Variants in ZNF536 observed in about 807,000 individuals in gnomAD.
ZNF536 encodes the protein zinc finger protein 536.
A neutral mutation model predicts 84.5 loss-of-function variants in ZNF536; 13 were observed. The observed-to-expected ratio is 0.15, with a 90% CI of 0.10 to 0.24. The LOEUF (loss-of-function observed/expected upper bound fraction) is 0.24. Ranked by LOEUF, ZNF536 falls within the 10% of genes least tolerant of loss-of-function variation. The pLI is 1.00. For synonymous variants in ZNF536, 811 were observed against 742.5 expected (o/e 1.09, Z -1.50); for missense variants, 1,536 against 1,747.5 (o/e 0.88, Z 2.16).
chr19:30,382,181 C>G (rs938417387), intron 1 of ZNF536, among the ~76,000 whole-genome samples: 1 of 152,218 alleles, frequency 6.6e-6, no homozygotes, highest in African/African-American at 2.4e-5. Flanking sequence ...TGTCCCATTT[C>G]CGTGTTATGG....
chr19:30,638,591 A>G (rs1183858881), intron 1 of ZNF536, among the ~76,000 whole-genome samples: 1 of 152,204 alleles, frequency 6.6e-6, no homozygotes, highest in South Asian at 2.1e-4. Flanking sequence ...ACCATTCAAG[A>G]GAAATCTTCC....
rs1285925219 is a variant in ZNF536 at position 30,435,568 on chromosome 19, GTGATGGTGATGATGGTGATGA to G, written c.-2-7972_-2-7952del. On this transcript the variant is annotated intron_variant, in intron 1 of 4. Coordinates refer to ENST00000355537, the MANE Select transcript of ZNF536 (RefSeq NM_014717.3). ...GATGGTGATAATGGTGGTAATGATG[GTGATGGTGATGATGGTGATGA>G]TGATGGTGATGATGGTGATGCTCTT... is the stretch of plus-strand genomic sequence containing the variant. Among the ~76,000 whole-genome samples the G allele has an allele frequency of 2.8e-4, 42 of 150,864 alleles. No individual in the cohort carries two copies. In the East Asian group the frequency reaches 7.4e-3, roughly 26 times the overall value.
At chr19:30,272,126 A>C (rs1219022439) in intron 1 of ZNF536, among the ~76,000 whole-genome samples, 1 of 152,198 alleles carries the variant, frequency 6.6e-6, no homozygotes, top group African/African-American at 2.4e-5. Context: ...CAGAAGTGGA[A>C]ATACTTCAGC....
rs141558223 is a variant in ZNF536 at position 30,424,794 on chromosome 19, C to T, written c.-2-18767C>T. 7.8e-4 allele frequency among the ~76,000 whole-genome samples: 119 copies of T among 152,190 alleles called. 1 individual carries two copies. The highest frequency in any genetic ancestry group is 2.8e-3 in the African/African-American group (117 of 41,526). On this transcript the variant is annotated intron_variant, in intron 1 of 4. Coordinates refer to ENST00000355537, the MANE Select transcript of ZNF536 (RefSeq NM_014717.3). ...AAGACCCATTAGTGGGATTTCAGAC[C>T]CCTGGGCAAATGGCTAGGAGGCAGC...
intron 1 of ZNF536, among the ~76,000 whole-genome samples, chr19:30,589,711 T>A (rs1429468643): frequency 2.6e-5 from 4 of 151,974 alleles, no homozygotes; most frequent in Admixed American, 2.6e-4. Context: ...GGGCTTAGAG[T>A]CCACCCAGTG....
At chr19:30,295,821 T>C (rs575263423) in intron 2 of ZNF536, among the ~76,000 whole-genome samples, 2 of 152,362 alleles carry the variant, frequency 1.3e-5, no homozygotes, top group African/African-American at 4.8e-5. Context: ...CATTCTTTAA[T>C]TGAGGGGCAA....
At chr19:30,422,937 C>T in intron 1 of ZNF536, among the ~76,000 whole-genome samples, 1 of 129,412 alleles carries the variant, frequency 7.7e-6, no homozygotes, top group Non-Finnish European at 1.6e-5. Flanking sequence ...ATCTACACAT[C>T]CATCCATCCA....
intron 2 of ZNF536, among the ~76,000 whole-genome samples, chr19:30,304,167 C>CTA (rs959305188): frequency 1.7e-4 from 26 of 152,322 alleles, no homozygotes; most frequent in African/African-American, 4.6e-4. Flanking sequence ...CACCTCCCCA[C>CTA]TATCCCCTGG....
At chr19:30,600,454 C>G (rs746988091) in intron 1 of ZNF536, among the ~76,000 whole-genome samples, 3 of 152,198 alleles carry the variant, frequency 2.0e-5, no homozygotes, top group Non-Finnish European at 2.9e-5. Flanking sequence ...AGGTGCTACT[C>G]AAGGCCAGAG....
intron 1 of ZNF536, among the ~76,000 whole-genome samples, chr19:30,373,978 A>G (rs2048710416): frequency 6.6e-6 from 1 of 152,212 alleles, no homozygotes; most frequent in African/African-American, 2.4e-5. Flanking sequence ...CAGTCAATTC[A>G]CCACATAATG....
At chr19:30,543,297 A>G (rs2045405465) in intron 3 of ZNF536, among the ~76,000 whole-genome samples, 1 of 152,334 alleles carries the variant, frequency 6.6e-6, no homozygotes, top group Admixed American at 6.5e-5. Flanking sequence ...CATGGAGGTC[A>G]CCATAGGACT....
At chr19:30,625,260 C>T (rs1156803603) in intron 1 of ZNF536, among the ~76,000 whole-genome samples, 2 of 152,120 alleles carry the variant, frequency 1.3e-5, no homozygotes, top group African/African-American at 2.4e-5. Flanking sequence ...ACCTCACCCC[C>T]CAATCAGGGA....
intron 2 of ZNF536, among the ~76,000 whole-genome samples, chr19:30,506,635 T>C (rs1158028879): frequency 1.3e-5 from 2 of 151,952 alleles, no homozygotes; most frequent in African/African-American, 4.8e-5. Context: ...GTTGTGGGGG[T>C]GTGGGGTGCA....
At chr19:30,661,057 A>G (rs909864825) in intron 1 of ZNF536, among the ~76,000 whole-genome samples, 2 of 152,212 alleles carry the variant, frequency 1.3e-5, no homozygotes, top group Admixed American at 6.5e-5. Context: ...TGATTCCGTG[A>G]TCGGAATTTT....
chr19:30,508,314 G>A (rs1279765780), intron 2 of ZNF536, among the ~76,000 whole-genome samples: 1 of 152,226 alleles, frequency 6.6e-6, no homozygotes, highest in Non-Finnish European at 1.5e-5. Flanking sequence ...ACCCCTGCCT[G>A]AGTGGCTTTG....
chr19:30,689,391 G>A (rs1447487289), intron 1 of ZNF536, among the ~76,000 whole-genome samples: 1 of 152,192 alleles, frequency 6.6e-6, no homozygotes, highest in Admixed American at 6.5e-5. Flanking sequence ...AGGGCAGAGG[G>A]GATGTATAGG....
chr19:30,473,037 CAAAAAAAA>C (rs57627848), intron 2 of ZNF536, among the ~76,000 whole-genome samples: 2 of 107,372 alleles, frequency 1.9e-5, no homozygotes, highest in East Asian at 2.5e-4. Context: ...ACTAAGAATA[CAAAAAAAA>C]AAAAAAAAAA....
intron 1 of ZNF536, among the ~76,000 whole-genome samples, chr19:30,566,451 C>G (rs1350096236): frequency 6.6e-6 from 1 of 152,242 alleles, no homozygotes; most frequent in Admixed American, 6.5e-5. Flanking sequence ...TACAAATTAG[C>G]TTCTTACATT....
chr19:30,247,394 G>A (rs1250407337), intron 1 of ZNF536, among the ~76,000 whole-genome samples: 1 of 152,202 alleles, frequency 6.6e-6, no homozygotes, highest in Admixed American at 6.5e-5. Context: ...ATGCTTGTCA[G>A]GCATGCCGGT....
Sources: gnomAD v4.1 joint callset for allele counts (sites outside exome capture counted in the v4.1 genomes callset) on GRCh38, gnomAD v4.1.1 for gene constraint, MANE v1.5 for transcripts, NCBI Gene and HGNC (gene_info 2026-07-23, HGNC 2026-07-21) for gene names.